PAK1IP1: variants seen among roughly 807,000 people sequenced by gnomAD.
PAK1IP1 encodes p21-activated protein kinase-interacting protein 1.
In PAK1IP1, 24 loss-of-function variants were observed where a neutral mutation model predicts 42.0. That is an observed-to-expected ratio of 0.57 (90% CI 0.41 to 0.80). PAK1IP1 has a LOEUF of 0.80. Among genes scored for constraint, PAK1IP1 ranks in the 30% least tolerant of loss-of-function variants. The pLI is 0.00. For synonymous variants in PAK1IP1, 154 were observed against 156.7 expected (o/e 0.98, Z 0.13); for missense variants, 411 against 467.9 (o/e 0.88, Z 1.12).
At chr6:10,707,560 C>G (rs369294212) in intron 8 of PAK1IP1, 46 bp downstream of exon 8, 1 of 1,189,478 alleles carries the variant, frequency 8.4e-7, no homozygotes, top group Admixed American at 1.7e-5. Flanking sequence ...ACAAGTCTTG[C>G]TCATAAGTGA....
At chr6:10,702,085 C>A (rs922772815) in intron 2 of PAK1IP1, among the ~76,000 whole-genome samples, 1 of 151,760 alleles carries the variant, frequency 6.6e-6, no homozygotes, top group Non-Finnish European at 1.5e-5. Context: ...ACAAAAAATA[C>A]AAAAATTAGC....
upstream of PAK1IP1, chr6:10,694,590 C>CTGG: frequency 1.2e-5 from 2 of 172,404 alleles, no homozygotes; most frequent in East Asian, 1.7e-4. Flanking sequence ...GCCGGCGCTA[C>CTGG]AGCCCCTAAG....
chr6:10,705,683 A>G (rs1274220036), intron 7 of PAK1IP1, among the ~76,000 whole-genome samples: 1 of 152,228 alleles, frequency 6.6e-6, no homozygotes, highest in African/African-American at 2.4e-5. Context: ...AGTGGAGCTG[A>G]GAGCTGAACC....
rs764331618 is a variant in PAK1IP1, at chr6:10,709,037, A to T, written c.925A>T (p.Met309Leu). Residue 309 changes from methionine (M) to leucine (L), a missense_variant, in exon 9 of 10, where the codon ATG becomes TTG. Met to Leu is a conservative substitution (Grantham distance 15). Coordinates refer to ENST00000379568, the MANE Select transcript of PAK1IP1 (RefSeq NM_017906.3). Reference sequence around the variant, plus strand: ...AGTGTGGCTAGACAAAGTGGCAGACATGAAAGAAAGCCTTCCTCCAGCTGC... The same window carrying T: ...AGTGTGGCTAGACAAAGTGGCAGACTTGAAAGAAAGCCTTCCTCCAGCTGC... ...LGVWLDKVAD[M>L]KESLPPAAEP... 6.2e-7 allele frequency: 1 copy of T among 1,613,610 alleles called. No individual in the cohort carries two copies. The highest frequency in any genetic ancestry group is 1.7e-5 in the Admixed American group (1 of 59,990).
At chr6:10,696,388 A>G (rs923088744) in intron 1 of PAK1IP1, among the ~76,000 whole-genome samples, 2 of 152,176 alleles carry the variant, frequency 1.3e-5, no homozygotes, top group African/African-American at 4.8e-5. Flanking sequence ...CACATGTTCA[A>G]AGAAGTTTGA....
intron 2 of PAK1IP1, among the ~76,000 whole-genome samples, chr6:10,697,948 CAG>C (rs1394802748): frequency 6.6e-6 from 1 of 151,182 alleles, no homozygotes. Context: ...TATTGGGAGA[CAG>C]AAAGGAGGCA....
In PAK1IP1 at chr6:10,707,533, T is replaced by C. The variant is rs767403056; in HGVS notation, c.840+19T>C. 7.1e-7 allele frequency: 1 copy of C among 1,403,040 alleles called. No homozygotes were observed. Among genetic ancestry groups the C allele is most frequent in the Non-Finnish European group, 1.0e-6 (1 of 987,458 alleles). The allele number at this position is 1,403,040 out of a possible 1,614,324, so 86.9% of individuals were successfully genotyped here. ...GGATAAGGTCAGTGCTTCAACACAA[T>C]CTAAATGTACTTTAATACAAGTCTT... On this transcript the variant is annotated intron_variant, in intron 8 of 9. Transcript: ENST00000379568.
chr6:10,699,822 C>G (rs984496497), intron 2 of PAK1IP1, among the ~76,000 whole-genome samples: 13 of 152,136 alleles, frequency 8.5e-5, no homozygotes, highest in African/African-American at 2.7e-4. Flanking sequence ...ACTGCTATAA[C>G]AAAATACCTT....
chr6:10,694,902 T>TG, upstream of PAK1IP1: 14 of 833,696 alleles, frequency 1.7e-5, no homozygotes, highest in Non-Finnish European at 1.9e-5. Flanking sequence ...AGGAGTCAGG[T>TG]GTTTTTTTTT....
At chr6:10,705,655 G>A (rs1285605865) in intron 7 of PAK1IP1, among the ~76,000 whole-genome samples, 4 of 152,072 alleles carry the variant, frequency 2.6e-5, no homozygotes, top group Admixed American at 6.5e-5. Context: ...TTAAGTGGTT[G>A]GCCAATATTA....
At chr6:10,694,609 C>T (rs867710053), upstream of PAK1IP1, 23 of 182,504 alleles carry the variant, frequency 1.3e-4, no homozygotes, top group South Asian at 1.1e-3. Context: ...AGCAACCGGC[C>T]GGAAGTCGGC....
upstream of PAK1IP1, among the ~76,000 whole-genome samples, chr6:10,691,025 A>G (rs767670366): frequency 3.3e-5 from 5 of 152,206 alleles, no homozygotes; most frequent in Non-Finnish European, 7.3e-5. Context: ...GTTAAAGAGA[A>G]TGTTCAAGGC....
In PAK1IP1 at chr6:10,709,236, A is replaced by C. The variant is rs1770305378; in HGVS notation, c.965-2A>C. On this transcript the variant is annotated splice_acceptor_variant, in intron 9 of 9. Coordinates refer to ENST00000379568, the MANE Select transcript of PAK1IP1 (RefSeq NM_017906.3). LOFTEE classifies it high-confidence loss of function. ...TTAAAAGCACTCTCTTTTGTGTTTTAGTAAGTAAAGAACAGTCCAAAATTG... is the reference window on the plus strand; with the variant it reads ...TTAAAAGCACTCTCTTTTGTGTTTTCGTAAGTAAAGAACAGTCCAAAATTG... 1 of 1,595,088 alleles carries C rather than the reference A, an allele frequency of 6.3e-7. No homozygotes were observed. The highest frequency in any genetic ancestry group is 2.2e-5 in the East Asian group (1 of 44,804).
chr6:10,695,081 C>G lies in PAK1IP1; in HGVS notation c.84+12C>G. On this transcript the variant is annotated intron_variant, in intron 1 of 9. Transcript: ENST00000379568. ...GCGGCGACCACGAGGTGAGATACCG[C>G]GTAGTTAGAGACAGTCGGAGGCGGG... The G allele has an allele frequency of 6.4e-7, 1 of 1,569,912 alleles. No homozygotes were observed. The highest frequency in any genetic ancestry group is 8.7e-7 in the Non-Finnish European group (1 of 1,151,554).
chr6:10,709,229 G>C lies in PAK1IP1; in HGVS notation c.965-9G>C. On this transcript the variant is annotated splice_polypyrimidine_tract_variant and intron_variant, in intron 9 of 9. Transcript: ENST00000379568. ...TCTTTTTTTAAAAGCACTCTCTTTT[G>C]TGTTTTAGTAAGTAAAGAACAGTCC... 1 of 1,591,888 alleles carries C rather than the reference G, an allele frequency of 6.3e-7. No homozygotes were observed. The highest frequency in any genetic ancestry group is 8.5e-7 in the Non-Finnish European group (1 of 1,171,722).
intron 2 of PAK1IP1, among the ~76,000 whole-genome samples, chr6:10,697,729 A>C (rs1314068579): frequency 6.6e-6 from 1 of 151,982 alleles, no homozygotes; most frequent in East Asian, 1.9e-4. Context: ...TCTCTACTAA[A>C]ATACAAAAAA....
intron 7 of PAK1IP1, among the ~76,000 whole-genome samples, chr6:10,706,179 T>C (rs1429679002): frequency 6.6e-6 from 1 of 151,908 alleles, no homozygotes; most frequent in Non-Finnish European, 1.5e-5. Flanking sequence ...TTGGTTTAGA[T>C]AGGATGATGA....
chr6:10,695,846 G>T (rs1438525815), intron 1 of PAK1IP1, among the ~76,000 whole-genome samples: 1 of 151,690 alleles, frequency 6.6e-6, no homozygotes, highest in Non-Finnish European at 1.5e-5. Flanking sequence ...CAGAAAATTT[G>T]GAAGTATATC....
intron 2 of PAK1IP1, among the ~76,000 whole-genome samples, chr6:10,700,751 G>A (rs114869930): frequency 0.016 from 2,454 of 152,208 alleles, 52 homozygotes; most frequent in African/African-American, 0.045. Flanking sequence ...TAGATTGGGG[G>A]GTGAATGAAG....
Sources: gnomAD v4.1 joint callset for allele counts (sites outside exome capture counted in the v4.1 genomes callset) on GRCh38, gnomAD v4.1.1 for gene constraint, MANE v1.5 for transcripts, NCBI Gene and HGNC (gene_info 2026-07-23, HGNC 2026-07-21) for gene names.